Variants in ZSWIM8 observed in about 807,000 individuals in gnomAD.
The protein encoded by ZSWIM8 is zinc finger SWIM domain-containing protein 8.
A neutral mutation model predicts 173.7 loss-of-function variants in ZSWIM8; 27 were observed. The observed-to-expected ratio is 0.16, with a 90% CI of 0.11 to 0.21. The LOEUF is 0.21. Among genes scored for constraint, ZSWIM8 ranks in the 10% least tolerant of loss-of-function variants. The pLI is 1.00. For missense variants in ZSWIM8, 1,627 were observed against 2,428.8 expected (o/e 0.67, Z 6.94); for synonymous variants, 958 against 962.0 (o/e 1.00, Z 0.08).
chr10:73,801,258 G>T lies in ZSWIM8; in HGVS notation c.5302-58G>T. 1.2e-6 allele frequency: 2 copies of T among 1,604,362 alleles called. No individual in the cohort carries two copies. The highest frequency in any genetic ancestry group is 3.4e-5 in the Admixed American group (2 of 59,358). ...CCTGGGTGGTCTTGGACCAGAGGGA[G>T]GCAGGGCCTGTTTCTGTGCTTTGTA... On this transcript the variant is annotated intron_variant, in intron 25 of 25. Transcript: ENST00000604729. The surrounding 1 kb of genome is among the most constrained non-coding windows in gnomAD (Gnocchi z 4.9).
rs370002014 is a variant in ZSWIM8 at position 73,790,934 on chromosome 10, C to A, written c.942-41C>A. On this transcript the variant is annotated intron_variant, in intron 7 of 25. Coordinates refer to ENST00000604729, the MANE Select transcript of ZSWIM8 (RefSeq NM_001367799.1). ...AAGCCCTTTTAGGTTTCATTCAGCC[C>A]CGTCTTACTGTCATGGTTTTCTGTT... 3.2e-6 allele frequency: 5 copies of A among 1,556,076 alleles called. No homozygotes were observed. In the African/African-American group the frequency reaches 4.1e-5, roughly 13 times the overall value.
Position 73,800,798 on chromosome 10 carries a change from A to G in ZSWIM8, c.5122+39A>G. On this transcript the variant is annotated intron_variant, in intron 24 of 25. Coordinates refer to ENST00000604729, the MANE Select transcript of ZSWIM8 (RefSeq NM_001367799.1). The surrounding 1 kb of genome is among the most constrained non-coding windows in gnomAD (Gnocchi z 4.1). ...TCCCTAGGACCATTGCCCCCCCCCCACCTGCTCTCCCCACCTTCCTTATCC... is the reference window on the plus strand; with the variant it reads ...TCCCTAGGACCATTGCCCCCCCCCCGCCTGCTCTCCCCACCTTCCTTATCC... 1.0e-6 allele frequency: 1 copy of G among 1,003,606 alleles called. No individual in the cohort carries two copies. The highest frequency in any genetic ancestry group is 1.5e-6 in the Non-Finnish European group (1 of 688,850). The allele number at this position is 1,003,606 out of a possible 1,614,324, so 62.2% of individuals were successfully genotyped here. A position where few individuals can be genotyped will look rare whatever the true frequency, so the allele number is the denominator to read the frequency against.
intron 21 of ZSWIM8, 182 bp from the exon 22 acceptor site, chr10:73,799,829 C>T: frequency 1.5e-6 from 1 of 669,384 alleles, no homozygotes; most frequent in East Asian, 2.7e-5. Context: ...ATGGGAATCA[C>T]TTGAACCTGG....
rs577961415 is a variant in ZSWIM8 at position 73,794,320 on chromosome 10, C to G, written c.2799C>G (p.Leu933=). 4 of 1,613,850 alleles carry G rather than the reference C, an allele frequency of 2.5e-6. No individual in the cohort carries two copies. In the Admixed American group the frequency reaches 5.0e-5, roughly 20 times the overall value. ...TGGCCAGTTTCATCTTTGACGTTCT[C>G]TGTGCTCCAGGTATGATGCCTGACC... The part of the protein sequence containing the change: ...LMLASFIFDV[L]CAPVVSPTGS... Residue 933 remains leucine, a synonymous_variant, in exon 13 of 26, where the codon CTC becomes CTG. Transcript: ENST00000604729.
At position 73,800,819 on chromosome 10, in the gene ZSWIM8, T is replaced by C. The variant is rs2083917091; in HGVS notation, c.5122+60T>C. On this transcript the variant is annotated intron_variant, in intron 24 of 25. Transcript: ENST00000604729. This position sits in a 1 kb window ranked among gnomAD's most constrained non-coding sequence, Gnocchi z 4.1. ...CCCCACCTGCTCTCCCCACCTTCCT[T>C]ATCCCAGACCTCCTTCCTAGCTCTT... The C allele has an allele frequency of 7.9e-7, 1 of 1,264,792 alleles. No individual in the cohort carries two copies. The allele number at this position is 1,264,792 out of a possible 1,614,324, so 78.3% of individuals were successfully genotyped here.
At chr10:73,796,427 T>A (rs1044393126) in intron 15 of ZSWIM8, 11 of 411,990 alleles carry the variant, frequency 2.7e-5, no homozygotes, top group African/African-American at 2.3e-4. Context: ...CTTGGGGACA[T>A]CTCATAAAGA....
At chr10:73,788,937 A>G in intron 2 of ZSWIM8, 114 bp downstream of exon 2, 1 of 1,476,332 alleles carries the variant, frequency 6.8e-7, no homozygotes, top group Non-Finnish European at 9.2e-7. Context: ...AGAGGAAGAC[A>G]AGGGAGGGAT....
Position 73,800,966 on chromosome 10 carries a change from C to T in ZSWIM8, c.5123-51C>T, listed in dbSNP as rs2083929097. On this transcript the variant is annotated intron_variant, in intron 24 of 25. Coordinates refer to ENST00000604729, the MANE Select transcript of ZSWIM8 (RefSeq NM_001367799.1). This position sits in a 1 kb window ranked among gnomAD's most constrained non-coding sequence, Gnocchi z 4.1. The stretch of plus-strand genomic sequence containing the variant: ...GAGCTGAGATCTGTAAGTTGGGTCC[C>T]TAGGGCAGAGGTGGCCACCCCCGTC... The T allele has an allele frequency of 1.3e-6, 2 of 1,498,174 alleles. No homozygotes were observed. The highest frequency in any genetic ancestry group is 1.8e-6 in the Non-Finnish European group (2 of 1,109,076). 92.8% of individuals were successfully genotyped at this position (1,498,174 alleles called of 1,614,324 possible).
At chr10:73,794,464 G>A in intron 13 of ZSWIM8, 77 bp from the exon 14 acceptor site, 2 of 1,566,310 alleles carry the variant, frequency 1.3e-6, no homozygotes, top group South Asian at 2.3e-5. Flanking sequence ...CTGTGATGAT[G>A]AGGATTTTGG....
rs1465548175 is a variant in ZSWIM8 at position 73,794,180 on chromosome 10, G to T, written c.2659G>T (p.Ala887Ser). The change falls in exon 13 of 26, where the codon GCC (alanine) becomes TCC (serine). Residue 887 changes from alanine (A) to serine (S), a missense_variant. Ala to Ser is a moderately conservative substitution (Grantham distance 99). Around this residue, in one of 18 missense-constraint regions of ZSWIM8, gnomAD observed 169 missense variants for 235.3 expected, o/e 0.72. Coordinates refer to ENST00000604729, the MANE Select transcript of ZSWIM8 (RefSeq NM_001367799.1). The stretch of plus-strand genomic sequence containing the variant: ...GGCATACCAGGAGTCTGAGGTGGCT[G>T]CCCTGCTCAAGAAGATCCCTCTGGG... ...KLAYQESEVA[A>S]LLKKIPLGPS... 1 of 1,614,050 alleles carries T rather than the reference G, an allele frequency of 6.2e-7. No individual in the cohort carries two copies.
chr10:73,798,529 C>G, intron 20 of ZSWIM8, 76 bp downstream of exon 20: 3 of 1,339,896 alleles, frequency 2.2e-6, no homozygotes, highest in Non-Finnish European at 3.1e-6. Flanking sequence ...AGCTAAGGGC[C>G]CAGCTCTTGA....
In ZSWIM8 at chr10:73,792,413, ACAG is replaced by A. The variant is rs2083449024; in HGVS notation, c.1879_1881del (p.Ser627del). ...GACCTGGCCGAGATGAGCCTGGATG[ACAG>A]CAGCCTGGCCCTGGGCGCAGAGGCC... is the stretch of plus-strand genomic sequence containing the variant. On this transcript the variant is annotated inframe_deletion, in exon 10 of 26. Coordinates refer to ENST00000604729, the MANE Select transcript of ZSWIM8 (RefSeq NM_001367799.1). The surrounding 1 kb of genome is among the most constrained non-coding windows in gnomAD (Gnocchi z 4.3). 1 of 1,604,340 alleles carries A rather than the reference ACAG, an allele frequency of 6.2e-7. No homozygotes were observed. Among genetic ancestry groups the A allele is most frequent in the Non-Finnish European group, 8.5e-7 (1 of 1,175,408 alleles).
Position 73,792,584 on chromosome 10 carries a change from C to G in ZSWIM8, c.2045C>G (p.Pro682Arg), listed in dbSNP as rs757078957. ...GVYFSEGPEP[P>R]TASVGPPGLL... ...TACTTCTCGGAAGGGCCTGAGCCTC[C>G]CACAGCCTCTGTTGGCCCCCCTGGC... Residue 682 changes from proline to arginine, a missense_variant, in exon 10 of 26, where the codon CCC (proline) becomes CGC (arginine). Transcript: ENST00000604729. This position sits in a 1 kb window ranked among gnomAD's most constrained non-coding sequence, Gnocchi z 4.3. 1 of 1,613,894 alleles carries G rather than the reference C, an allele frequency of 6.2e-7. No individual in the cohort carries two copies. The highest frequency in any genetic ancestry group is 8.5e-7 in the Non-Finnish European group (1 of 1,179,886).
intron 10 of ZSWIM8, among the ~76,000 whole-genome samples, 152 bp downstream of exon 10, chr10:73,793,004 C>A (rs1175548241): frequency 6.6e-6 from 1 of 152,222 alleles, no homozygotes; most frequent in African/African-American, 2.4e-5. Context: ...AGTCTACTCA[C>A]TTTTCTGCTT....
chr10:73,801,183 G>C lies in ZSWIM8; in HGVS notation c.5289G>C (p.Gln1763His). Residue 1763 changes from glutamine to histidine, a missense_variant, in exon 25 of 26, where the codon CAG becomes CAC. Gln to His is a conservative substitution (Grantham distance 24). Around this residue, in one of 18 missense-constraint regions of ZSWIM8, gnomAD observed 122 missense variants for 196.1 expected, o/e 0.62. Coordinates refer to ENST00000604729, the MANE Select transcript of ZSWIM8 (RefSeq NM_001367799.1). The surrounding 1 kb of genome is among the most constrained non-coding windows in gnomAD (Gnocchi z 4.9). ...AFHQLVQRCQQAYMQYIHHRL... is the reference protein window; with the variant it reads ...AFHQLVQRCQHAYMQYIHHRL... ...ACCAACTGGTGCAGCGCTGCCAGCA[G>C]GCATACATGCAGGTGACAACCTAGA... The C allele has an allele frequency of 1.9e-6, 3 of 1,600,856 alleles. No individual in the cohort carries two copies. Among genetic ancestry groups the C allele is most frequent in the Non-Finnish European group, 2.6e-6 (3 of 1,173,786 alleles).
In ZSWIM8 at chr10:73,800,170, T is replaced by C. The variant is rs753088534; in HGVS notation, c.4825T>C (p.Leu1609=). 1.9e-6 allele frequency: 3 copies of C among 1,613,502 alleles called. No individual in the cohort carries two copies. The highest frequency in any genetic ancestry group is 2.5e-6 in the Non-Finnish European group (3 of 1,179,776). ...PGLPLPTSVA[L]SSVHPASTFP... ...GCTTCCACTGCCCACCAGTGTGGCCTGTGAGTTGTGGGGCCAGGGAACAGG... is the reference window on the plus strand; with the variant it reads ...GCTTCCACTGCCCACCAGTGTGGCCCGTGAGTTGTGGGGCCAGGGAACAGG... The change falls in exon 22 of 26, where the codon TTG becomes CTG. Residue 1609 remains leucine (L), a splice_region_variant and synonymous_variant. Coordinates refer to ENST00000604729, the MANE Select transcript of ZSWIM8 (RefSeq NM_001367799.1). This position sits in a 1 kb window ranked among gnomAD's most constrained non-coding sequence, Gnocchi z 4.1.
chr10:73,790,196 C>T lies in ZSWIM8; in HGVS notation c.845C>T (p.Ser282Leu), dbSNP rs746014099. The change falls in exon 7 of 26, where the codon TCG becomes TTG. Residue 282 changes from serine to leucine, a missense_variant. This residue lies in a region of ZSWIM8 where 39 missense variants were observed against 154.0 expected (regional missense o/e 0.25). Coordinates refer to ENST00000604729, the MANE Select transcript of ZSWIM8 (RefSeq NM_001367799.1). Reference protein sequence around the residue: ...APDPTAGPSASDQSTWYLDES... With the variant: ...APDPTAGPSALDQSTWYLDES... ...GACCCCACAGCAGGGCCCTCAGCAT[C>T]GGACCAGAGTACTTGGTATCTGGAT... 43 of 1,613,222 alleles carry T rather than the reference C, an allele frequency of 2.7e-5. No homozygotes were observed. The highest frequency in any genetic ancestry group is 3.5e-5 in the Non-Finnish European group (41 of 1,179,556).
At position 73,789,812 on chromosome 10, in the gene ZSWIM8, G is replaced by A. The variant is rs1344266372; in HGVS notation, c.726G>A (p.Glu242=). ...LQKFAQYLIS[E]LPQQILPTAQ... is the part of the protein sequence containing the mutation. ...AGTTTGCTCAGTACCTCATCAGTGA[G>A]CTCCCTCAGCAGGTGGGTGAGGTCG... is the stretch of plus-strand genomic sequence containing the variant. The change falls in exon 5 of 26, where the codon GAG becomes GAA. Residue 242 remains glutamate, a synonymous_variant. Coordinates refer to ENST00000604729, the MANE Select transcript of ZSWIM8 (RefSeq NM_001367799.1). This position sits in a 1 kb window ranked among gnomAD's most constrained non-coding sequence, Gnocchi z 6.8. The A allele has an allele frequency of 1.2e-6, 2 of 1,607,016 alleles. No individual in the cohort carries two copies. The highest frequency in any genetic ancestry group is 1.7e-6 in the Non-Finnish European group (2 of 1,176,852).
At chr10:73,796,113 A>T (rs2083639884) in intron 15 of ZSWIM8, among the ~76,000 whole-genome samples, 2 of 152,094 alleles carry the variant, frequency 1.3e-5, no homozygotes, top group South Asian at 4.1e-4. Context: ...CTGTAATCTC[A>T]GCACTTTGGG....
Sources: gnomAD v4.1 joint callset for allele counts (sites outside exome capture counted in the v4.1 genomes callset) on GRCh38, gnomAD v4.1.1 for gene constraint, gnomAD v4.1.1 regional missense constraint, Gnocchi (gnomAD v3.1) non-coding constraint, MANE v1.5 for transcripts, NCBI Gene and HGNC (gene_info 2026-07-23, HGNC 2026-07-21) for gene names.